Variants in CNTNAP2 observed in about 807,000 individuals in gnomAD.
The protein encoded by CNTNAP2 is contactin associated protein 2.
A neutral mutation model predicts 155.2 loss-of-function variants in CNTNAP2; 98 were observed. The observed-to-expected ratio is 0.63, with a 90% CI of 0.54 to 0.75. The LOEUF (loss-of-function observed/expected upper bound fraction) is 0.75. CNTNAP2 is among the 30% of genes least tolerant of loss of function. The probability of loss-of-function intolerance (pLI) is 0.00; values close to 1 mark genes in which losing one functional copy is unlikely to be tolerated. For missense variants in CNTNAP2, 1,727 were observed against 1,688.1 expected (o/e 1.02, Z -0.40); for synonymous variants, 651 against 631.2 (o/e 1.03, Z -0.47).
intron 4 of CNTNAP2, among the ~76,000 whole-genome samples, chr7:147,079,598 A>T (rs1374436598): frequency 6.7e-6 from 1 of 149,296 alleles, no homozygotes; most frequent in Non-Finnish European, 1.5e-5. Flanking sequence ...GTATAATAAT[A>T]ATAATAATGA....
chr7:146,705,753 T>C (rs1016770015), intron 1 of CNTNAP2, among the ~76,000 whole-genome samples: 1 of 152,048 alleles, frequency 6.6e-6, no homozygotes, highest in Non-Finnish European at 1.5e-5. Context: ...ATGAGACTTA[T>C]TTACCACCAT....
At chr7:146,669,804 T>G (rs1371972472) in intron 1 of CNTNAP2, among the ~76,000 whole-genome samples, 1 of 151,838 alleles carries the variant, frequency 6.6e-6, no homozygotes, top group East Asian at 1.9e-4. Flanking sequence ...AACCTTTTTT[T>G]AAACTTTAGT....
chr7:146,580,418 C>T (rs1157199467), intron 1 of CNTNAP2, among the ~76,000 whole-genome samples: 1 of 149,338 alleles, frequency 6.7e-6, no homozygotes, highest in Non-Finnish European at 1.5e-5. Flanking sequence ...ATATTTTCTA[C>T]AATTACAGAA....
At chr7:146,860,682 C>A (rs747247217) in intron 3 of CNTNAP2, among the ~76,000 whole-genome samples, 1 of 151,636 alleles carries the variant, frequency 6.6e-6, no homozygotes, top group African/African-American at 2.4e-5. Flanking sequence ...ATTGTCTTAA[C>A]CTAAAGAAAG....
intron 1 of CNTNAP2, among the ~76,000 whole-genome samples, chr7:146,736,861 C>G (rs893611896): frequency 6.6e-6 from 1 of 151,952 alleles, no homozygotes. Context: ...AGTTTTCTGC[C>G]TTTTCAATAA....
intron 1 of CNTNAP2, among the ~76,000 whole-genome samples, chr7:146,558,349 TG>T (rs947573336): frequency 6.6e-6 from 1 of 152,204 alleles, no homozygotes; most frequent in Non-Finnish European, 1.5e-5. Flanking sequence ...ATGAAAATTT[TG>T]AAGGTTATTA....
chr7:147,768,177 G>T lies in CNTNAP2; in HGVS notation c.2098+128871G>T, dbSNP rs567627304. 2.2e-4 allele frequency among the ~76,000 whole-genome samples: 33 copies of T among 152,194 alleles called. No homozygotes were observed. In the South Asian group the frequency reaches 6.6e-3, roughly 31 times the overall value. ...TCATCTGAAAAGGTTGAAGATCACA[G>T]AAAAATTTGAGTACAGAAATATGTT... On this transcript the variant is annotated intron_variant, in intron 13 of 23. Coordinates refer to ENST00000361727, the MANE Select transcript of CNTNAP2 (RefSeq NM_014141.6).
At chr7:146,937,357 A>AAAT (rs1554412053) in intron 3 of CNTNAP2, among the ~76,000 whole-genome samples, 64 of 135,892 alleles carry the variant, frequency 4.7e-4, no homozygotes, top group Non-Finnish European at 7.2e-4. Context: ...GTCTCAAAAA[A>AAAT]AAAAATAAAA....
chr7:146,441,726 C>T (rs73164027), intron 1 of CNTNAP2, among the ~76,000 whole-genome samples: 5,289 of 151,506 alleles, frequency 0.035, 145 homozygotes, highest in Non-Finnish European at 0.054. Flanking sequence ...CTCTCAGCAT[C>T]GCCTCTCATC....
intron 1 of CNTNAP2, among the ~76,000 whole-genome samples, chr7:146,603,862 C>A (rs1585002502): frequency 1.4e-5 from 2 of 146,482 alleles, no homozygotes; most frequent in Non-Finnish European, 3.0e-5. Context: ...GGAAAACTGG[C>A]TAGCCATATG....
chr7:147,799,347 A>G (rs1032337086), intron 13 of CNTNAP2, among the ~76,000 whole-genome samples: 5 of 152,152 alleles, frequency 3.3e-5, no homozygotes, highest in African/African-American at 1.2e-4. Context: ...ATAATCCTGT[A>G]GGCATTCATC....
intron 2 of CNTNAP2, among the ~76,000 whole-genome samples, chr7:146,790,328 T>C (rs1185610740): frequency 6.6e-6 from 1 of 152,182 alleles, no homozygotes; most frequent in African/African-American, 2.4e-5. Flanking sequence ...ATTTCAACAA[T>C]TCAAACAAGA....
At chr7:147,034,631 G>T (rs1799111700) in intron 3 of CNTNAP2, among the ~76,000 whole-genome samples, 1 of 152,168 alleles carries the variant, frequency 6.6e-6, no homozygotes, top group Non-Finnish European at 1.5e-5. Context: ...CGGATCACAT[G>T]TGGTCTTCAA....
chr7:146,914,919 A>C (rs1475015664), intron 3 of CNTNAP2, among the ~76,000 whole-genome samples: 2 of 151,830 alleles, frequency 1.3e-5, no homozygotes, highest in Non-Finnish European at 2.9e-5. Flanking sequence ...GGGTTTTCCC[A>C]ATGTTATCTT....
intron 3 of CNTNAP2, among the ~76,000 whole-genome samples, chr7:146,926,582 T>C (rs979138287): frequency 6.6e-6 from 1 of 152,168 alleles, no homozygotes; most frequent in Admixed American, 6.5e-5. Flanking sequence ...TCCACAATTT[T>C]AGTACTCAGT....
At chr7:146,144,747 T>C (rs539143288) in intron 1 of CNTNAP2, among the ~76,000 whole-genome samples, 1 of 152,346 alleles carries the variant, frequency 6.6e-6, no homozygotes, top group South Asian at 2.1e-4. Flanking sequence ...ATTTGTTGTG[T>C]TGTTTCTTCC....
chr7:147,463,312 G>T (rs4725723), intron 10 of CNTNAP2, among the ~76,000 whole-genome samples: 118,783 of 152,182 alleles, frequency 0.78, 46,712 homozygotes, highest in African/African-American at 0.88. Flanking sequence ...TTAAAAAAAT[G>T]TTACAACCTT....
chr7:146,165,316 T>A (rs1168982791), intron 1 of CNTNAP2, among the ~76,000 whole-genome samples: 1 of 152,186 alleles, frequency 6.6e-6, no homozygotes, highest in Non-Finnish European at 1.5e-5. Context: ...AAATTAGTTA[T>A]GATAATTGTA....
chr7:146,224,518 C>T (rs1441320171), intron 1 of CNTNAP2, among the ~76,000 whole-genome samples: 6 of 150,286 alleles, frequency 4.0e-5, no homozygotes, highest in Admixed American at 6.6e-5. Flanking sequence ...GAGGCCGAGG[C>T]GGGCGGATCA....
Sources: allele counts gnomAD v4.1 joint callset (sites outside exome capture counted in the v4.1 genomes callset), GRCh38; gene constraint gnomAD v4.1.1; transcripts MANE v1.5; gene names NCBI Gene and HGNC (gene_info 2026-07-23, HGNC 2026-07-21).